PCLO: variants seen among roughly 807,000 people sequenced by gnomAD.
The protein encoded by PCLO is protein piccolo.
Under a neutral mutation model 427.5 loss-of-function variants are expected in PCLO, and 82 were observed. The observed-to-expected ratio is 0.19, with a 90% CI of 0.16 to 0.23. The LOEUF (loss-of-function observed/expected upper bound fraction) is 0.23, where lower values mean the gene tolerates loss of function less well. Among genes scored for constraint, PCLO ranks in the 10% least tolerant of loss-of-function variants. The pLI, the probability that PCLO is intolerant of heterozygous loss-of-function variation, is 1.00. For synonymous variants in PCLO, 2,357 were observed against 2,155.4 expected (o/e 1.09, Z -2.59); for missense variants, 6,239 against 6,115.9 (o/e 1.02, Z -0.67).
chr7:82,948,952 C>T (rs1280839020), intron 6 of PCLO, among the ~76,000 whole-genome samples: 2 of 152,194 alleles, frequency 1.3e-5, no homozygotes, highest in Non-Finnish European at 2.9e-5. Flanking sequence ...TGTTCCAAGC[C>T]TTTTAATGAA....
chr7:82,776,039 A>C (rs1256725961), intron 22 of PCLO, among the ~76,000 whole-genome samples: 1 of 152,168 alleles, frequency 6.6e-6, no homozygotes, highest in Non-Finnish European at 1.5e-5. Flanking sequence ...TGGTGATATG[A>C]ATAAATTCTT....
At chr7:82,926,933 T>C (rs766082659) in intron 6 of PCLO, among the ~76,000 whole-genome samples, 13 of 152,158 alleles carry the variant, frequency 8.5e-5, no homozygotes, top group Non-Finnish European at 1.5e-4. Flanking sequence ...CCTTCCTTTG[T>C]ATGAAATCAG....
At chr7:82,904,594 T>C (rs945290435) in intron 8 of PCLO, among the ~76,000 whole-genome samples, 3 of 151,980 alleles carry the variant, frequency 2.0e-5, no homozygotes, top group Admixed American at 6.6e-5. Context: ...AGTTATTCTT[T>C]CCATTTGGTC....
rs1334974618 is a variant in PCLO, at chr7:82,989,550, AAAT to A, written c.3301-23066_3301-23064del. ...AATATGGCATTCTCAATAAAAGAAA[AAAT>A]AATTTTTAATTGAGATATTTATTTT... On this transcript the variant is annotated intron_variant, in intron 3 of 24. Coordinates refer to ENST00000333891, the MANE Select transcript of PCLO (RefSeq NM_033026.6). 7.2e-5 allele frequency among the ~76,000 whole-genome samples: 11 copies of A among 152,286 alleles called. No individual in the cohort carries two copies. In the East Asian group the frequency reaches 1.2e-3, roughly 16 times the overall value.
intron 16 of PCLO, among the ~76,000 whole-genome samples, chr7:82,828,349 C>T (rs1408107178): frequency 4.6e-5 from 7 of 151,860 alleles, no homozygotes; most frequent in East Asian, 1.9e-4. Context: ...TTTGTACATA[C>T]GGAAAAGCAA....
At chr7:83,152,184 T>C (rs1792153680) in intron 2 of PCLO, among the ~76,000 whole-genome samples, 1 of 151,844 alleles carries the variant, frequency 6.6e-6, no homozygotes, top group Non-Finnish European at 1.5e-5. Flanking sequence ...CAGGATGGTC[T>C]CAATCTCCTG....
intron 6 of PCLO, among the ~76,000 whole-genome samples, chr7:82,944,411 AC>A (rs1468563357): frequency 6.6e-6 from 1 of 152,122 alleles, no homozygotes; most frequent in Non-Finnish European, 1.5e-5. Context: ...AAGATATTAA[AC>A]AAAAACCCAT....
At chr7:83,131,474 C>G (rs11983001) in intron 3 of PCLO, among the ~76,000 whole-genome samples, 1 of 152,020 alleles carries the variant, frequency 6.6e-6, no homozygotes, top group Admixed American at 6.6e-5. Flanking sequence ...TTCTCACAAC[C>G]GGAGAAACAG....
intron 9 of PCLO, among the ~76,000 whole-genome samples, chr7:82,895,006 T>A (rs1331226965): frequency 6.6e-6 from 1 of 152,016 alleles, no homozygotes; most frequent in Non-Finnish European, 1.5e-5. Context: ...AAAATCATAG[T>A]CATACTTGGA....
At chr7:82,874,003 T>A (rs921436475) in intron 10 of PCLO, among the ~76,000 whole-genome samples, 16 of 152,158 alleles carry the variant, frequency 1.1e-4, no homozygotes, top group Non-Finnish European at 1.5e-5. Context: ...TGTATACTAT[T>A]TTAAAAAGAT....
chr7:82,868,218 A>G (rs1394407961), intron 10 of PCLO: 1 of 456,680 alleles, frequency 2.2e-6, no homozygotes, highest in Non-Finnish European at 4.4e-6. Flanking sequence ...CCAAAAAAGC[A>G]TAAGCAGAAA....
rs1411389057 is a variant in PCLO, at chr7:82,754,326, CAA to C, written c.*4247_*4248del. The C allele has an allele frequency of 6.6e-6, 1 of 152,000 alleles. No individual in the cohort carries two copies. Among genetic ancestry groups the C allele is most frequent in the African/African-American group, 2.4e-5 (1 of 41,404 alleles). 9.4% of individuals were successfully genotyped at this position (152,000 alleles called of 1,614,324 possible). A position where few individuals can be genotyped will look rare whatever the true frequency, so the allele number is the denominator to read the frequency against. ...ATGGCATGCAACATATAGTTAGAAA[CAA>C]GACATATCTTCAAGTACTTTAGTTT... On this transcript the variant is annotated 3_prime_UTR_variant, in exon 25 of 25. Transcript: ENST00000333891.
intron 3 of PCLO, among the ~76,000 whole-genome samples, chr7:83,104,699 T>C (rs929465777): frequency 6.6e-6 from 1 of 152,268 alleles, no homozygotes; most frequent in South Asian, 2.1e-4. Context: ...AATATAATAG[T>C]GGAACTTCTG....
intron 9 of PCLO, among the ~76,000 whole-genome samples, chr7:82,899,689 C>T (rs1390066167): frequency 6.6e-6 from 1 of 151,328 alleles, no homozygotes; most frequent in Admixed American, 6.6e-5. Context: ...AATTTATATA[C>T]AGAAGAAATT....
At chr7:82,883,519 T>C (rs1483316718) in intron 9 of PCLO, among the ~76,000 whole-genome samples, 1 of 152,134 alleles carries the variant, frequency 6.6e-6, no homozygotes, top group African/African-American at 2.4e-5. Context: ...TATCCAATTA[T>C]TGGTCAGTAT....
At chr7:82,868,728 T>C (rs1327040898) in intron 10 of PCLO, among the ~76,000 whole-genome samples, 1 of 152,214 alleles carries the variant, frequency 6.6e-6, no homozygotes, top group East Asian at 1.9e-4. Context: ...AGCTTTGTGC[T>C]CTTCCATGCT....
chr7:82,808,876 A>C (rs1297819963), intron 20 of PCLO, among the ~76,000 whole-genome samples: 1 of 151,944 alleles, frequency 6.6e-6, no homozygotes, highest in African/African-American at 2.4e-5. Context: ...TTTCTGAAAA[A>C]TGAATTAAAT....
At chr7:82,986,445 T>C (rs953714421) in intron 3 of PCLO, among the ~76,000 whole-genome samples, 9 of 151,954 alleles carry the variant, frequency 5.9e-5, no homozygotes, top group Admixed American at 6.6e-5. Flanking sequence ...GAGACTGAAC[T>C]ATATTTGAGA....
At chr7:83,093,171 T>C (rs1292353087) in intron 3 of PCLO, among the ~76,000 whole-genome samples, 1 of 151,776 alleles carries the variant, frequency 6.6e-6, no homozygotes, top group Non-Finnish European at 1.5e-5. Context: ...TTATTTCACA[T>C]TTTGACAAAA....
Sources: gnomAD v4.1 joint callset for allele counts (sites outside exome capture counted in the v4.1 genomes callset) on GRCh38, gnomAD v4.1.1 for gene constraint, MANE v1.5 for transcripts, NCBI Gene and HGNC (gene_info 2026-07-23, HGNC 2026-07-21) for gene names.